The following ERCC2 variants were observed in gnomAD, a reference collection of about 807,000 sequenced individuals.
The protein encoded by ERCC2 is general transcription and DNA repair factor IIH helicase subunit XPD.
A neutral mutation model predicts 99.4 loss-of-function variants in ERCC2; 90 were observed. The observed-to-expected ratio is 0.91, with a 90% CI of 0.76 to 1.08. ERCC2 has a LOEUF of 1.08. Ranked by LOEUF, ERCC2 falls within the 50% of genes least tolerant of loss-of-function variation. ERCC2 has a pLI of 0.00. For missense variants in ERCC2, 993 were observed against 1,038.1 expected (o/e 0.96, Z 0.60); for synonymous variants, 497 against 432.4 (o/e 1.15, Z -1.85).
intron 12 of ERCC2, among the ~76,000 whole-genome samples, chr19:45,360,381 CTT>C (rs57458623): frequency 8.3e-4 from 112 of 134,542 alleles, no homozygotes; most frequent in Non-Finnish European, 7.3e-4. Context: ...CACGCCCGGC[CTT>C]TTTTTTTTTT....
At chr19:45,363,268 G>C (rs1972288587) in intron 11 of ERCC2, among the ~76,000 whole-genome samples, 1 of 152,114 alleles carries the variant, frequency 6.6e-6, no homozygotes, top group Non-Finnish European at 1.5e-5. Context: ...AGGCATCGGT[G>C]GGAAGATACA....
chr19:45,362,955 A>G (rs191141002), intron 11 of ERCC2, among the ~76,000 whole-genome samples: 11 of 152,242 alleles, frequency 7.2e-5, no homozygotes, highest in Non-Finnish European at 1.3e-4. Flanking sequence ...TGGGGGTGCA[A>G]CTGAGGTAAG....
chr19:45,354,341 A>T (rs1971938875), intron 17 of ERCC2, among the ~76,000 whole-genome samples: 1 of 152,162 alleles, frequency 6.6e-6, no homozygotes, highest in Non-Finnish European at 1.5e-5. Flanking sequence ...TCCAGCCTTA[A>T]TTCTCTAGAA....
intron 12 of ERCC2, 181 bp from the exon 13 acceptor site, chr19:45,357,880 C>T (rs759098077): frequency 1.4e-5 from 9 of 655,812 alleles, no homozygotes; most frequent in African/African-American, 1.8e-5. Flanking sequence ...CCAAAATACA[C>T]CCCAACCTGT....
chr19:45,357,383 C>G lies in ERCC2; in HGVS notation c.1378-12G>C. 1 of 1,612,384 alleles carries G rather than the reference C, an allele frequency of 6.2e-7. No homozygotes were observed. The highest frequency in any genetic ancestry group is 8.5e-7 in the Non-Finnish European group (1 of 1,178,482). Reference sequence around the variant, plus strand: ...AGCGGGGACAGTGTCTGTGGCGGGACAGTGGGAGGGATCTCAGCAGGACTG... The same window carrying G: ...AGCGGGGACAGTGTCTGTGGCGGGAGAGTGGGAGGGATCTCAGCAGGACTG... On this transcript the variant is annotated splice_polypyrimidine_tract_variant and intron_variant, in intron 14 of 22. Transcript: ENST00000391945.
In ERCC2 at chr19:45,357,752, C is replaced by T. The variant is rs1463735357; in HGVS notation, c.1238-53G>A. On this transcript the variant is annotated intron_variant, in intron 12 of 22. Transcript: ENST00000391945. ...GATTACCCCACTACAGCCACAGCTG[C>T]ACCCACTCAGTCATTCCCTCTCCTG... 2.9e-5 allele frequency: 44 copies of T among 1,507,276 alleles called. No homozygotes were observed. The East Asian group carries it at 3.8e-4, about 13-fold the overall frequency. The allele number at this position is 1,507,276 out of a possible 1,614,324, so 93.4% of individuals were successfully genotyped here.
rs781205093 is a variant in ERCC2, at chr19:45,364,014, G to C, written c.921C>G (p.Asn307Lys). ...AARETDAHLANPVLPDEVLQE... is the reference protein window; with the variant it reads ...AARETDAHLAKPVLPDEVLQE... Reference sequence around the variant, plus strand: ...GCAGCACTTCGTCGGGCAGCACGGGGTTGGCCAGGTGGGCGTCCGTCTCCC... The same window carrying C: ...GCAGCACTTCGTCGGGCAGCACGGGCTTGGCCAGGTGGGCGTCCGTCTCCC... The change falls in exon 10 of 23, where the codon AAC (asparagine) becomes AAG (lysine). Residue 307 changes from asparagine to lysine, a missense_variant. Coordinates refer to ENST00000391945, the MANE Select transcript of ERCC2 (RefSeq NM_000400.4). 20 of 1,549,312 alleles carry C rather than the reference G, an allele frequency of 1.3e-5. No individual in the cohort carries two copies. In the East Asian group the frequency reaches 4.8e-4, roughly 38 times the overall value.
In ERCC2 at chr19:45,350,650, C is replaced by G; in HGVS notation, c.*979G>C. 6.2e-7 allele frequency: 1 copy of G among 1,613,400 alleles called. No homozygotes were observed. Among genetic ancestry groups the G allele is most frequent in the Non-Finnish European group, 8.5e-7 (1 of 1,179,586 alleles). The stretch of plus-strand genomic sequence containing the variant: ...CCCGGCCCCTCCCCAGGCCCTTCGC[C>G]GCAGCAGCTCACTCTCCAAGATCCG... On this transcript the variant is annotated 3_prime_UTR_variant, in exon 23 of 23. Transcript: ENST00000391945.
Position 45,350,816 on chromosome 19 carries a change from CCCATCTTGCTCAAGAACCTT to C in ERCC2, c.*793_*812del. 3 of 1,375,104 alleles carry C rather than the reference CCCATCTTGCTCAAGAACCTT, an allele frequency of 2.2e-6. No individual in the cohort carries two copies. The highest frequency in any genetic ancestry group is 3.0e-6 in the Non-Finnish European group (3 of 985,326). The allele number at this position is 1,375,104 out of a possible 1,614,324, so 85.2% of individuals were successfully genotyped here. On this transcript the variant is annotated 3_prime_UTR_variant, in exon 23 of 23. Coordinates refer to ENST00000391945, the MANE Select transcript of ERCC2 (RefSeq NM_000400.4). ...ATCCACAGCCCACCCCACCCCCACC[CCCATCTTGCTCAAGAACCTT>C]CCATGGCTCCCATCTCCCCTGTGAT...
At chr19:45,354,009 G>C (rs900877356) in intron 17 of ERCC2, among the ~76,000 whole-genome samples, 8 of 152,204 alleles carry the variant, frequency 5.3e-5, no homozygotes, top group Admixed American at 5.2e-4. Context: ...TTCCCGCCGC[G>C]TGGAAGCCGC....
rs931497711 is a variant in ERCC2, at chr19:45,350,201, C to T, written c.*1428G>A. On this transcript the variant is annotated 3_prime_UTR_variant, in exon 23 of 23. Transcript: ENST00000391945. ...CTTTGGGAGGCCAAGGCAGGAGGAT[C>T]ACTTGAGGCTAGGAGTTCAAGACCA... is the stretch of plus-strand genomic sequence containing the variant. 2 of 645,382 alleles carry T rather than the reference C, an allele frequency of 3.1e-6. No individual in the cohort carries two copies. Among genetic ancestry groups the T allele is most frequent in the Non-Finnish European group, 5.3e-6 (2 of 375,400 alleles). The allele number at this position is 645,382 out of a possible 1,614,324, so 40.0% of individuals were successfully genotyped here. A position where few individuals can be genotyped will look rare whatever the true frequency, so the allele number is the denominator to read the frequency against.
At position 45,349,880 on chromosome 19, in the gene ERCC2, C is replaced by T. The variant is rs1971633324; in HGVS notation, c.*1749G>A. On this transcript the variant is annotated 3_prime_UTR_variant, in exon 23 of 23. Transcript: ENST00000391945. ...ATTGAGCTCACTGTGGCCGGCTCCC[C>T]TCTTAGCCCGGTCCCCACATCGCTA... 1.4e-5 allele frequency: 7 copies of T among 483,118 alleles called. No individual in the cohort carries two copies. The highest frequency in any genetic ancestry group is 1.2e-4 in the South Asian group (4 of 32,532). The allele number at this position is 483,118 out of a possible 1,614,324, so 29.9% of individuals were successfully genotyped here.
chr19:45,370,127 A>AC lies in ERCC2; in HGVS notation c.105+5dup. 2 of 1,612,784 alleles carry AC rather than the reference A, an allele frequency of 1.2e-6. No individual in the cohort carries two copies. The highest frequency in any genetic ancestry group is 1.7e-6 in the Non-Finnish European group (2 of 1,179,124). ...AGTGGGCGGGTCGGGCCCACCGGCC[A>AC]CCCACCTTGGCGTCCAGCGTGCGTT... On this transcript the variant is annotated splice_donor_region_variant and intron_variant, in intron 2 of 22. Coordinates refer to ENST00000391945, the MANE Select transcript of ERCC2 (RefSeq NM_000400.4).
At position 45,364,649 on chromosome 19, in the gene ERCC2, C is replaced by T; in HGVS notation, c.595-102G>A. On this transcript the variant is annotated intron_variant, in intron 7 of 22. Coordinates refer to ENST00000391945, the MANE Select transcript of ERCC2 (RefSeq NM_000400.4). ...TCACTCCCACACAGGCCTGCACAGG[C>T]AGACACAGGCCAGGCAGAAGTATGA... 1.9e-6 allele frequency: 3 copies of T among 1,540,828 alleles called. No homozygotes were observed. The South Asian group carries it at 3.5e-5, about 18-fold the overall frequency.
chr19:45,352,354 TGTGGGCAGAAGCGCA>T lies in ERCC2; in HGVS notation c.2047-17_2047-3del. ...CCGCTTGTCCCCACGGGCAAACCGC[TGTGGGCAGAAGCGCA>T]GGCCAGGGACAGAAGGTCATTCGGG... On this transcript the variant is annotated splice_polypyrimidine_tract_variant and splice_region_variant and intron_variant, in intron 21 of 22. Transcript: ENST00000391945. 3.7e-6 allele frequency: 6 copies of T among 1,613,840 alleles called. No individual in the cohort carries two copies. The highest frequency in any genetic ancestry group is 5.1e-6 in the Non-Finnish European group (6 of 1,179,932).
At position 45,357,682 on chromosome 19, in the gene ERCC2, C is replaced by A. The variant is rs574002154; in HGVS notation, c.1255G>T (p.Glu419Ter). The change falls in exon 13 of 23, where the codon GAG (glutamate) becomes TAG (stop). Residue 419 changes from glutamate to a stop codon, truncating the protein, a stop_gained. Coordinates refer to ENST00000391945, the MANE Select transcript of ERCC2 (RefSeq NM_000400.4). LOFTEE classifies it high-confidence loss of function. ...GTCGGGGTTCTGTCGTCAAAGGGCT[C>A]GATGATGATGGTGAAGCCTGCAGAG... ...TYAKGFTIII[E>*]PFDDRTPTIA... 1 of 1,613,666 alleles carries A rather than the reference C, an allele frequency of 6.2e-7. No homozygotes were observed. The highest frequency in any genetic ancestry group is 8.5e-7 in the Non-Finnish European group (1 of 1,179,994).
rs143680124 is a variant in ERCC2 at position 45,353,138 on chromosome 19, G to C, written c.1776C>G (p.Arg592=). Residue 592 remains arginine (R), a synonymous_variant, in exon 19 of 23, where the codon CGC becomes CGG. Coordinates refer to ENST00000391945, the MANE Select transcript of ERCC2 (RefSeq NM_000400.4). ...GGGCCACTGACAGCAGGATGGCCCC[G>C]CGGCCATTCTCGCAGGCCTGAGGTG... ...EKYQEACENG[R]GAILLSVARG... The C allele has an allele frequency of 6.2e-7, 1 of 1,613,762 alleles. No homozygotes were observed. The highest frequency in any genetic ancestry group is 8.5e-7 in the Non-Finnish European group (1 of 1,179,950).
At chr19:45,352,884 G>T (rs914758261) in intron 19 of ERCC2, 68 bp from the exon 20 acceptor site, 3 of 1,481,890 alleles carry the variant, frequency 2.0e-6, no homozygotes, top group African/African-American at 1.4e-5. Context: ...ACAGCCTCAC[G>T]CGACCCAGGA....
chr19:45,357,923 C>T (rs140948785), intron 12 of ERCC2: 378 of 602,816 alleles, frequency 6.3e-4, no homozygotes, highest in African/African-American at 4.8e-3. Flanking sequence ...CAAACTTTCA[C>T]GAAGGATCCC....
Sources: gnomAD v4.1 joint callset for allele counts (sites outside exome capture counted in the v4.1 genomes callset) on GRCh38, gnomAD v4.1.1 for gene constraint, MANE v1.5 for transcripts, NCBI Gene and HGNC (gene_info 2026-07-23, HGNC 2026-07-21) for gene names.